ZNF75A: variants seen among roughly 807,000 people sequenced by gnomAD.
ZNF75A encodes the protein zinc finger protein 75A.
Under a neutral mutation model 46.3 loss-of-function variants are expected in ZNF75A, and 36 were observed. That is an observed-to-expected ratio of 0.78 (90% CI 0.60 to 1.03). ZNF75A has a LOEUF of 1.03. ZNF75A is among the 50% of genes least tolerant of loss of function. The pLI, the probability that ZNF75A is intolerant of heterozygous loss-of-function variation, is 0.00. For missense variants in ZNF75A, 595 were observed against 551.3 expected (o/e 1.08, Z -0.79); for synonymous variants, 234 against 189.9 (o/e 1.23, Z -1.91).
downstream of ZNF75A, among the ~76,000 whole-genome samples, chr16:3,322,293 G>T (rs754108893): frequency 1.7e-4 from 26 of 152,082 alleles, no homozygotes; most frequent in Non-Finnish European, 1.9e-4. Context: ...ACTTTTTCTT[G>T]TGTGGGTTCA....
At chr16:3,310,109 T>C (rs1225011311) in intron 2 of ZNF75A, among the ~76,000 whole-genome samples, 1 of 150,508 alleles carries the variant, frequency 6.6e-6, no homozygotes, top group African/African-American at 2.4e-5. Flanking sequence ...AAAAAAAATG[T>C]TTTAGGCCAG....
downstream of ZNF75A, among the ~76,000 whole-genome samples, chr16:3,320,797 G>T (rs1298754900): frequency 6.6e-6 from 1 of 152,226 alleles, no homozygotes; most frequent in Non-Finnish European, 1.5e-5. Context: ...TCTTCAGTGA[G>T]TTGTGCCTCA....
chr16:3,321,509 A>G (rs1289080587), downstream of ZNF75A, among the ~76,000 whole-genome samples: 1 of 152,182 alleles, frequency 6.6e-6, no homozygotes, highest in Non-Finnish European at 1.5e-5. Flanking sequence ...TATTTTTGAG[A>G]CAAGGGTCTC....
At chr16:3,306,409 A>G (rs1283960950) in intron 1 of ZNF75A, 1 of 152,200 alleles carries the variant, frequency 6.6e-6, no homozygotes, top group Non-Finnish European at 1.5e-5. Flanking sequence ...CAGATCAAGT[A>G]AGCACAGTTA....
Position 3,318,606 on chromosome 16 carries a change from G to C in ZNF75A, c.*737G>C, listed in dbSNP as rs961082725. The C allele has an allele frequency of 4.1e-6, 4 of 985,424 alleles. No individual in the cohort carries two copies. The highest frequency in any genetic ancestry group is 4.8e-6 in the Non-Finnish European group (4 of 829,924). The allele number at this position is 985,424 out of a possible 1,614,324, so 61.0% of individuals were successfully genotyped here. A position where few individuals can be genotyped will look rare whatever the true frequency, so the allele number is the denominator to read the frequency against. On this transcript the variant is annotated 3_prime_UTR_variant, in exon 7 of 7. Transcript: ENST00000669516. ...TGCCTTGCAATGTCAGTAGGATAAA[G>C]CAGCTATAAAAATTAGTACTTGCCC... is the stretch of plus-strand genomic sequence containing the variant.
At chr16:3,319,755 C>T (rs1961453846), downstream of ZNF75A, among the ~76,000 whole-genome samples, 1 of 151,456 alleles carries the variant, frequency 6.6e-6, no homozygotes, top group African/African-American at 2.4e-5. Context: ...GAGTTGTGAG[C>T]ATTGTGAGCC....
intron 2 of ZNF75A, chr16:3,309,124 A>G (rs62034713): frequency 0.23 from 35,244 of 151,962 alleles, 4,415 homozygotes; most frequent in Admixed American, 0.3. Flanking sequence ...GGCCAAGGAG[A>G]CAGGACTTAA....
chr16:3,307,904 A>G (rs1567265400), intron 1 of ZNF75A: 2 of 152,164 alleles, frequency 1.3e-5, no homozygotes, highest in African/African-American at 2.4e-5. Context: ...TCCCCTTACT[A>G]GAGACAGACT....
At chr16:3,320,489 A>G (rs1961488011), downstream of ZNF75A, among the ~76,000 whole-genome samples, 1 of 152,164 alleles carries the variant, frequency 6.6e-6, no homozygotes, top group African/African-American at 2.4e-5. Context: ...AACTGAGCTG[A>G]TGCAACACTA....
At chr16:3,312,972 G>A (rs1212560861) in intron 4 of ZNF75A, 77 bp from the exon 5 acceptor site, 15 of 1,499,174 alleles carry the variant, frequency 1.0e-5, no homozygotes, top group Non-Finnish European at 1.2e-5. Flanking sequence ...TTTATCGCCT[G>A]GCCAATTCAT....
chr16:3,307,259 A>G (rs1410227218), intron 1 of ZNF75A: 1 of 152,088 alleles, frequency 6.6e-6, no homozygotes, highest in African/African-American at 2.4e-5. Context: ...CCAGTTTTAA[A>G]TAACTCTTAC....
At chr16:3,320,715 G>C (rs149424167), downstream of ZNF75A, among the ~76,000 whole-genome samples, 9 of 152,324 alleles carry the variant, frequency 5.9e-5, no homozygotes, top group East Asian at 7.7e-4. Context: ...TGGGGGTTAG[G>C]GGGTAGGGAT....
In ZNF75A at chr16:3,318,236, A is replaced by G; in HGVS notation, c.*367A>G. The G allele has an allele frequency of 1.0e-6, 1 of 1,003,222 alleles. No homozygotes were observed. Among genetic ancestry groups the G allele is most frequent in the Non-Finnish European group, 1.2e-6 (1 of 842,016 alleles). 62.1% of individuals were successfully genotyped at this position (1,003,222 alleles called of 1,614,324 possible). A position where few individuals can be genotyped will look rare whatever the true frequency, so the allele number is the denominator to read the frequency against. On this transcript the variant is annotated 3_prime_UTR_variant, in exon 7 of 7. Transcript: ENST00000669516. ...TAGTCTCATGAGGCCGAAATGAATTACAATGTAAAGTGTTCCAGGAACCAA... is the reference window on the plus strand; with the variant it reads ...TAGTCTCATGAGGCCGAAATGAATTGCAATGTAAAGTGTTCCAGGAACCAA...
chr16:3,312,890 A>ATGGG, intron 4 of ZNF75A, 122 bp downstream of exon 4: 1 of 1,202,990 alleles, frequency 8.3e-7, no homozygotes, highest in South Asian at 1.6e-5. Flanking sequence ...GGTACCTCCC[A>ATGGG]GGCTGTGGGC....
chr16:3,314,343 A>G (rs544419247), intron 5 of ZNF75A, among the ~76,000 whole-genome samples: 15 of 152,346 alleles, frequency 9.8e-5, no homozygotes, highest in African/African-American at 3.4e-4. Flanking sequence ...TTTCCTGAGC[A>G]GACAAACACC....
chr16:3,314,950 G>T (rs1961088720), intron 5 of ZNF75A: 1 of 985,304 alleles, frequency 1.0e-6, no homozygotes, highest in Non-Finnish European at 1.2e-6. Flanking sequence ...TCTGTGAGAG[G>T]GTCTCAGTGT....
Position 3,312,723 on chromosome 16 carries a change from C to G in ZNF75A, c.651C>G (p.Thr217=). Residue 217 remains threonine, a synonymous_variant, in exon 4 of 7, where the codon ACC becomes ACG. Transcript: ENST00000669516. The part of the protein sequence containing the change: ...QILAFPEQTN[T]KDWTVTPEHV... ...TAGCTTTTCCTGAGCAAACAAACACCAAAGACTGGACAGTGACACCTGAGC... is the reference window on the plus strand; with the variant it reads ...TAGCTTTTCCTGAGCAAACAAACACGAAAGACTGGACAGTGACACCTGAGC... 1 of 1,027,084 alleles carries G rather than the reference C, an allele frequency of 9.7e-7. No individual in the cohort carries two copies. The highest frequency in any genetic ancestry group is 1.2e-6 in the Non-Finnish European group (1 of 856,118). The allele number at this position is 1,027,084 out of a possible 1,614,324, so 63.6% of individuals were successfully genotyped here.
At chr16:3,305,792 C>T (rs1017237596) in intron 1 of ZNF75A, 149 bp downstream of exon 1, 1 of 152,222 alleles carries the variant, frequency 6.6e-6, no homozygotes. Context: ...CCGTCGGGCA[C>T]GAGAAACCAT....
At chr16:3,310,656 C>G in intron 2 of ZNF75A, 2 of 985,266 alleles carry the variant, frequency 2.0e-6, no homozygotes, top group Non-Finnish European at 2.4e-6. Context: ...AAAAAAACAA[C>G]TAGGGGAAGA....
Sources: gnomAD v4.1 joint callset for allele counts (sites outside exome capture counted in the v4.1 genomes callset) on GRCh38, gnomAD v4.1.1 for gene constraint, MANE v1.5 for transcripts, NCBI Gene and HGNC (gene_info 2026-07-23, HGNC 2026-07-21) for gene names.